INSL6: variants seen among roughly 807,000 people sequenced by gnomAD.
INSL6 encodes the protein insulin-like peptide INSL6.
INSL6 carries 16 observed loss-of-function variants against 9.4 expected under a neutral mutation model. That is an observed-to-expected ratio of 1.70 (90% CI 1.15 to 2.59). The LOEUF (loss-of-function observed/expected upper bound fraction) is 2.59. Ranked by LOEUF, INSL6 falls within the 30% of genes most tolerant of loss-of-function variation. The pLI, the probability that INSL6 is intolerant of heterozygous loss-of-function variation, is 0.00. For missense variants in INSL6, 391 were observed against 257.3 expected (o/e 1.52, Z -3.56); for synonymous variants, 154 against 96.9 (o/e 1.59, Z -3.46).
chr9:5,171,484 C>T (rs111412089), intron 1 of INSL6, among the ~76,000 whole-genome samples: 1 of 152,146 alleles, frequency 6.6e-6, no homozygotes, highest in Non-Finnish European at 1.5e-5. Context: ...CTGGCCAAGG[C>T]AATCGGGCAA....
At chr9:5,143,057 T>TTGA (rs1293350123) in intron 2 of INSL6, among the ~76,000 whole-genome samples, 5 of 152,192 alleles carry the variant, frequency 3.3e-5, no homozygotes, top group Non-Finnish European at 5.9e-5. Flanking sequence ...TCGATTGTGA[T>TTGA]TGATTAGCTT....
intron 2 of INSL6, among the ~76,000 whole-genome samples, chr9:5,134,076 G>A (rs900224461): frequency 6.6e-6 from 1 of 151,998 alleles, no homozygotes; most frequent in Non-Finnish European, 1.5e-5. Flanking sequence ...GAATCGGTCA[G>A]GCAGAAGAAA....
At chr9:5,035,938 A>G in the INSL6 span, among the ~76,000 whole-genome samples, 1 of 152,216 alleles carries the variant, frequency 6.6e-6, no homozygotes, top group Non-Finnish European at 1.5e-5. Context: ...AGGAAGTCAA[A>G]TTGTCCCTGT....
intron 2 of INSL6, among the ~76,000 whole-genome samples, chr9:5,148,177 T>C (rs1824639533): frequency 6.6e-6 from 1 of 152,196 alleles, no homozygotes; most frequent in Admixed American, 6.5e-5. Context: ...ATTCCTTCAA[T>C]TGTGGTATAA....
the INSL6 span, among the ~76,000 whole-genome samples, chr9:5,092,143 C>A: frequency 2.0e-5 from 3 of 152,072 alleles, no homozygotes; most frequent in African/African-American, 7.2e-5. Context: ...ACGTGTAGCT[C>A]ATGAGGTGGC....
At position 5,126,245 on chromosome 9, in the gene INSL6, A is replaced by C. The variant is rs10974971; in HGVS notation, c.*11-1734T>G. 2.9e-4 allele frequency: 254 copies of C among 864,676 alleles called. No homozygotes were observed. In the African/African-American group the frequency reaches 3.7e-3, roughly 13 times the overall value. 53.6% of individuals were successfully genotyped at this position (864,676 alleles called of 1,614,324 possible). A position where few individuals can be genotyped will look rare whatever the true frequency, so the allele number is the denominator to read the frequency against. On this transcript the variant is annotated intron_variant, in intron 3 of 3. Coordinates refer to the INSL6 transcript ENST00000649639. ...AACATACAAAAGCACACATATACTA[A>C]ATTTTTTCCCATTGACTGGAGGAAA...
chr9:5,139,157 G>A (rs1430593214), intron 2 of INSL6, among the ~76,000 whole-genome samples: 1 of 152,100 alleles, frequency 6.6e-6, no homozygotes, highest in African/African-American at 2.4e-5. Context: ...AGAAGACAAT[G>A]TGCTCTTCTT....
At chr9:5,096,772 T>G in the INSL6 span, 1 of 152,198 alleles carries the variant, frequency 6.6e-6, no homozygotes, top group Non-Finnish European at 1.5e-5. Flanking sequence ...TTAAGCCTTC[T>G]AATTTGAGCA....
At chr9:5,150,284 A>G (rs1454310146) in intron 2 of INSL6, among the ~76,000 whole-genome samples, 1 of 152,240 alleles carries the variant, frequency 6.6e-6, no homozygotes, top group Admixed American at 6.5e-5. Flanking sequence ...CTGCACAGCA[A>G]AAGAAATAAT....
the INSL6 span, among the ~76,000 whole-genome samples, chr9:5,014,740 C>T: frequency 1.4e-4 from 22 of 152,092 alleles, no homozygotes; most frequent in Non-Finnish European, 1.5e-5. Flanking sequence ...ATAGATGTAA[C>T]TTATATGAGA....
the INSL6 span, among the ~76,000 whole-genome samples, chr9:5,024,255 CAAAA>C: frequency 2.6e-5 from 4 of 151,288 alleles, no homozygotes; most frequent in Admixed American, 6.6e-5. Context: ...GACTCCATCT[CAAAA>C]AAAAATTTTT....
chr9:5,120,995 G>T (rs751321773), downstream of INSL6, among the ~76,000 whole-genome samples: 30 of 152,080 alleles, frequency 2.0e-4, no homozygotes. Flanking sequence ...TTATAAATTT[G>T]GGAGACTTTA....
chr9:5,132,157 T>C (rs906885850), intron 3 of INSL6: 25 of 152,226 alleles, frequency 1.6e-4, no homozygotes, highest in Non-Finnish European at 1.8e-4. Context: ...ACAGTGAGCA[T>C]ACCATTATTC....
At chr9:5,177,958 C>T (rs1825350699) in intron 1 of INSL6, among the ~76,000 whole-genome samples, 1 of 152,190 alleles carries the variant, frequency 6.6e-6, no homozygotes, top group South Asian at 2.1e-4. Flanking sequence ...TCACTGTAAC[C>T]TCCACCTCCC....
the INSL6 span, among the ~76,000 whole-genome samples, chr9:5,079,591 T>C: frequency 1.3e-5 from 2 of 152,174 alleles, no homozygotes; most frequent in Non-Finnish European, 2.9e-5. Context: ...TACTTACGCA[T>C]TATGAAGAAA....
chr9:5,130,622 A>T (rs1480311156), intron 3 of INSL6, among the ~76,000 whole-genome samples: 1 of 152,194 alleles, frequency 6.6e-6, no homozygotes, highest in Non-Finnish European at 1.5e-5. Context: ...AATTAAGTAC[A>T]TGGTATTTAA....
At chr9:5,144,775 G>T (rs767215270) in intron 2 of INSL6, among the ~76,000 whole-genome samples, 3 of 152,138 alleles carry the variant, frequency 2.0e-5, no homozygotes, top group Non-Finnish European at 4.4e-5. Flanking sequence ...TGTTTTGTCA[G>T]TAACTAAGAT....
chr9:5,170,536 A>T (rs1825156260), intron 1 of INSL6, among the ~76,000 whole-genome samples: 1 of 149,974 alleles, frequency 6.7e-6, no homozygotes. Context: ...AACCCTTCAA[A>T]CAATCAATGA....
At chr9:5,044,597 A>G in the INSL6 span, 2 of 888,982 alleles carry the variant, frequency 2.2e-6, no homozygotes, top group East Asian at 2.5e-5. Flanking sequence ...TTAATCAGGA[A>G]AAACTTTACA....
Sources: allele counts gnomAD v4.1 joint callset (sites outside exome capture counted in the v4.1 genomes callset), GRCh38; gene constraint gnomAD v4.1.1; transcripts MANE v1.5; gene names NCBI Gene and HGNC (gene_info 2026-07-23, HGNC 2026-07-21).